LIMA1: variants seen among roughly 807,000 people sequenced by gnomAD.
LIMA1 encodes LIM domain and actin binding 1.
Under a neutral mutation model 62.6 loss-of-function variants are expected in LIMA1, and 52 were observed. The ratio of observed to expected loss-of-function variants is 0.83; its 90% confidence interval spans 0.67 to 1.05. The LOEUF is 1.05. Ranked by LOEUF, LIMA1 falls within the 50% of genes least tolerant of loss-of-function variation. LIMA1 has a pLI of 0.00. For missense variants in LIMA1, 780 were observed against 902.2 expected (o/e 0.86, Z 1.74); for synonymous variants, 302 against 317.8 (o/e 0.95, Z 0.53).
At chr12:50,239,413 T>A (rs1592546757) in intron 2 of LIMA1, among the ~76,000 whole-genome samples, 1 of 149,896 alleles carries the variant, frequency 6.7e-6, no homozygotes, top group Non-Finnish European at 1.5e-5. Flanking sequence ...CTGAGTCGAG[T>A]AGATCACTTG....
chr12:50,250,498 G>A (rs545195153), intron 1 of LIMA1, among the ~76,000 whole-genome samples: 1 of 146,554 alleles, frequency 6.8e-6, no homozygotes, highest in Admixed American at 6.9e-5. Context: ...CCAGGAGTTG[G>A]AGGCTACAAT....
chr12:50,257,568 C>T (rs1273468999), intron 1 of LIMA1, among the ~76,000 whole-genome samples: 1 of 152,196 alleles, frequency 6.6e-6, no homozygotes, highest in African/African-American at 2.4e-5. Context: ...AAGCAGCTGA[C>T]CAATCGTTAC....
In LIMA1 at chr12:50,176,991, C is replaced by T. The variant is rs557763648; in HGVS notation, c.*73G>A. ...TCATGCTGGGATACCTGCTTATGTGCATCACATTTTGACAAAGGGCAGTGG... is the reference window on the plus strand; with the variant it reads ...TCATGCTGGGATACCTGCTTATGTGTATCACATTTTGACAAAGGGCAGTGG... On this transcript the variant is annotated 3_prime_UTR_variant, in exon 11 of 11. Transcript: ENST00000341247. The T allele has an allele frequency of 2.6e-6, 3 of 1,169,098 alleles. No homozygotes were observed. Among genetic ancestry groups the T allele is most frequent in the Non-Finnish European group, 3.5e-6 (3 of 852,954 alleles). 72.4% of individuals were successfully genotyped at this position (1,169,098 alleles called of 1,614,324 possible).
intron 3 of LIMA1, among the ~76,000 whole-genome samples, chr12:50,224,754 G>T (rs113260542): frequency 1.3e-5 from 2 of 152,028 alleles, no homozygotes; most frequent in African/African-American, 4.8e-5. Flanking sequence ...TTTAGAGACG[G>T]GGTCTCGCTC....
At chr12:50,209,075 G>A (rs1363333123) in intron 4 of LIMA1, among the ~76,000 whole-genome samples, 2 of 149,636 alleles carry the variant, frequency 1.3e-5, no homozygotes, top group South Asian at 2.1e-4. Flanking sequence ...AAGGAGCCTC[G>A]GCCTCCCAAG....
chr12:50,243,760 A>G (rs1941809671), intron 2 of LIMA1, among the ~76,000 whole-genome samples: 10 of 152,206 alleles, frequency 6.6e-5, no homozygotes, highest in Admixed American at 6.5e-4. Context: ...CCATGTGTTA[A>G]GCACATCAGA....
At chr12:50,208,439 T>A (rs1156934595) in intron 4 of LIMA1, among the ~76,000 whole-genome samples, 1 of 152,082 alleles carries the variant, frequency 6.6e-6, no homozygotes, top group South Asian at 2.1e-4. Context: ...TGAGCAGAGA[T>A]CAGGCCACTG....
intron 1 of LIMA1, among the ~76,000 whole-genome samples, chr12:50,268,067 A>T (rs550598918): frequency 2.0e-3 from 297 of 152,134 alleles, no homozygotes; most frequent in Non-Finnish European, 3.4e-3. Flanking sequence ...GTACAATTGG[A>T]TTTGCCTCTC....
Position 50,176,951 on chromosome 12 carries a change from C to T in LIMA1, c.*113G>A. ...AGGAATTCTTTTCCAAAGTTACTTC[C>T]AAGTAAATTACATTTCATGCTGGGA... On this transcript the variant is annotated 3_prime_UTR_variant, in exon 11 of 11. Coordinates refer to ENST00000341247, the MANE Select transcript of LIMA1 (RefSeq NM_016357.5). 1.2e-6 allele frequency: 1 copy of T among 839,400 alleles called. No individual in the cohort carries two copies. The highest frequency in any genetic ancestry group is 1.7e-6 in the Non-Finnish European group (1 of 580,890). The allele number at this position is 839,400 out of a possible 1,614,324, so 52.0% of individuals were successfully genotyped here.
chr12:50,250,070 T>TC (rs1279685020), intron 1 of LIMA1, among the ~76,000 whole-genome samples: 1 of 151,652 alleles, frequency 6.6e-6, no homozygotes, highest in Non-Finnish European at 1.5e-5. Flanking sequence ...GGTGGGTGGA[T>TC]CACTTGAGGT....
In LIMA1 at chr12:50,242,361, G is replaced by GT. The variant is rs922030578; in HGVS notation, c.119+6271dup. On this transcript the variant is annotated intron_variant, in intron 2 of 10. Coordinates refer to ENST00000341247, the MANE Select transcript of LIMA1 (RefSeq NM_016357.5). ...AGAAAACTAAATATGAACGCTCTTTGTTTTTTTTTTTTAAGATAGGTTCTC... is the reference window on the plus strand; with the variant it reads ...AGAAAACTAAATATGAACGCTCTTTGTTTTTTTTTTTTTAAGATAGGTTCTC... 3.0e-3 allele frequency among the ~76,000 whole-genome samples: 433 copies of GT among 143,528 alleles called. 2 individuals are homozygous for GT. The highest frequency in any genetic ancestry group is 4.3e-3 in the African/African-American group (168 of 39,488). The allele number at this position is 143,528 out of a possible 152,430, so 94.2% of individuals were successfully genotyped here. A position where few individuals can be genotyped will look rare whatever the true frequency, so the allele number is the denominator to read the frequency against.
rs181618573 is a variant in LIMA1 at position 50,234,272 on chromosome 12, G to A, written c.120-2562C>T. 1,321 of 354,006 alleles carry A rather than the reference G, an allele frequency of 3.7e-3. 3 individuals are homozygous for A. The highest frequency in any genetic ancestry group is 4.7e-3 in the Non-Finnish European group (830 of 178,330). The allele number at this position is 354,006 out of a possible 1,614,324, so 21.9% of individuals were successfully genotyped here. A position where few individuals can be genotyped will look rare whatever the true frequency, so the allele number is the denominator to read the frequency against. On this transcript the variant is annotated intron_variant, in intron 2 of 10. Transcript: ENST00000341247. ...TGCCCAGGCTGGAGTGCAGTGGCAC[G>A]ATCTCAGCTAGCTGCAACCTCCGCT... is the stretch of plus-strand genomic sequence containing the variant.
In LIMA1 at chr12:50,222,403, G is replaced by A; in HGVS notation, c.248C>T (p.Ala83Val). ...KKKWENPGLG[A>V]ESHTDSLRNS... Reference sequence around the variant, plus strand: ...CCGTAGAGAGTCTGTGTGAGACTCTGCTCCCAGCCCTGGGTTCTCCCACTT... The same window carrying A: ...CCGTAGAGAGTCTGTGTGAGACTCTACTCCCAGCCCTGGGTTCTCCCACTT... The change falls in exon 4 of 11, where the codon GCA becomes GTA. Residue 83 changes from alanine (A) to valine (V), a missense_variant. Physicochemically the swap from Ala to Val is moderately conservative, Grantham distance 64 (BLOSUM62 0). Coordinates refer to ENST00000341247, the MANE Select transcript of LIMA1 (RefSeq NM_016357.5). The A allele has an allele frequency of 6.2e-7, 1 of 1,614,136 alleles. No homozygotes were observed. The highest frequency in any genetic ancestry group is 8.5e-7 in the Non-Finnish European group (1 of 1,180,018).
chr12:50,181,803 A>G (rs915378028), intron 10 of LIMA1, 101 bp downstream of exon 10: 5 of 1,260,586 alleles, frequency 4.0e-6, no homozygotes, highest in Non-Finnish European at 5.6e-6. Flanking sequence ...CTTCAACAGA[A>G]TATCATTAGC....
At chr12:50,263,849 T>G (rs558907324) in intron 1 of LIMA1, among the ~76,000 whole-genome samples, 10,444 of 102,520 alleles carry the variant, frequency 0.1, 704 homozygotes, top group African/African-American at 0.24. Context: ...TATATATATA[T>G]ATAGAGAGTA....
At chr12:50,201,018 C>T (rs778798435) in intron 6 of LIMA1, 134 bp from the exon 7 acceptor site, 16 of 1,441,616 alleles carry the variant, frequency 1.1e-5, no homozygotes, top group East Asian at 5.0e-5. Flanking sequence ...AACCCCCTAA[C>T]TCTCACAAGC....
At chr12:50,222,745 G>T in intron 3 of LIMA1, 1 of 1,264,882 alleles carries the variant, frequency 7.9e-7, no homozygotes, top group Non-Finnish European at 1.0e-6. Flanking sequence ...AAAATGAGAA[G>T]AAAGGCAAAC....
chr12:50,220,951 C>A (rs562533861), intron 4 of LIMA1, among the ~76,000 whole-genome samples: 1 of 152,232 alleles, frequency 6.6e-6, no homozygotes, highest in South Asian at 2.1e-4. Context: ...AAACATGACC[C>A]GCAAACATTC....
intron 3 of LIMA1, among the ~76,000 whole-genome samples, chr12:50,227,237 C>CTTTTTTTTTTTT (rs199650468): frequency 5.6e-4 from 69 of 123,986 alleles, no homozygotes; most frequent in Non-Finnish European, 7.8e-4. Flanking sequence ...TTTTTCTTTT[C>CTTTTTTTTTTTT]TTTTTTTTTT....
Sources: gnomAD v4.1 joint callset for allele counts (sites outside exome capture counted in the v4.1 genomes callset) on GRCh38, gnomAD v4.1.1 for gene constraint, MANE v1.5 for transcripts, NCBI Gene and HGNC (gene_info 2026-07-23, HGNC 2026-07-21) for gene names.